The following ACCSL variants were observed in gnomAD, a reference collection of about 807,000 sequenced individuals.
ACCSL encodes 1-aminocyclopropane-1-carboxylate synthase homolog (inactive) like.
A neutral mutation model predicts 61.7 loss-of-function variants in ACCSL; 55 were observed. The observed-to-expected ratio is 0.89, with a 90% confidence interval of 0.72 to 1.12. The LOEUF (loss-of-function observed/expected upper bound fraction) is 1.12, where lower values mean the gene tolerates loss of function less well. Ranked by LOEUF, ACCSL falls within the 50% of genes most tolerant of loss-of-function variation. The probability of loss-of-function intolerance (pLI) is 0.00; values close to 1 mark genes in which losing one functional copy is unlikely to be tolerated. For synonymous variants in ACCSL, 258 were observed against 264.3 expected, an observed-to-expected ratio of 0.98 and a Z score of 0.23; for missense variants, 632 against 698.0, an observed-to-expected ratio of 0.91 and a Z score of 1.07.
At chr11:43,965,375 T>C in the ACCSL span, among the ~76,000 whole-genome samples, 2 of 152,160 alleles carry the variant, frequency 1.3e-5, no homozygotes, top group Non-Finnish European at 2.9e-5. Flanking sequence ...AATAAAATAC[T>C]TTGGAATAAA....
At chr11:43,929,277 T>C in the ACCSL span, among the ~76,000 whole-genome samples, 2 of 152,170 alleles carry the variant, frequency 1.3e-5, no homozygotes, top group Admixed American at 1.3e-4. Flanking sequence ...CTGGAGTCAT[T>C]GGCACAGTCA....
At chr11:44,058,287 T>C in intron 11 of ACCSL, 30 bp from the exon 12 acceptor site, 3 of 1,612,598 alleles carry the variant, frequency 1.9e-6, no homozygotes, top group Non-Finnish European at 2.5e-6. Flanking sequence ...TAGTAATATC[T>C]GTGACAGTGT....
the ACCSL span, among the ~76,000 whole-genome samples, chr11:43,968,200 A>T: frequency 2.6e-5 from 4 of 152,178 alleles, no homozygotes; most frequent in African/African-American, 9.7e-5. Context: ...CCAAATGTCA[A>T]TAGTGCCAAG....
chr11:43,931,342 G>T, the ACCSL span, among the ~76,000 whole-genome samples: 3 of 152,176 alleles, frequency 2.0e-5, no homozygotes, highest in African/African-American at 7.2e-5. Flanking sequence ...AGACTCTACT[G>T]CATCAGTCTA....
the ACCSL span, among the ~76,000 whole-genome samples, chr11:43,945,892 C>T: frequency 2.0e-5 from 3 of 152,138 alleles, no homozygotes; most frequent in African/African-American, 2.4e-5. Context: ...CTCCTGCTGC[C>T]TTCAGCCCCT....
At chr11:44,001,575 C>T in the ACCSL span, among the ~76,000 whole-genome samples, 22 of 151,798 alleles carry the variant, frequency 1.4e-4, no homozygotes, top group African/African-American at 5.1e-4. Flanking sequence ...AGTCTGGCCT[C>T]GGCGTGTCCA....
At chr11:43,964,257 C>A in the ACCSL span, among the ~76,000 whole-genome samples, 1 of 151,874 alleles carries the variant, frequency 6.6e-6, no homozygotes, top group Non-Finnish European at 1.5e-5. Context: ...TCCTGGCTAA[C>A]ACGGTGAAAC....
chr11:44,019,746 G>T, the ACCSL span, among the ~76,000 whole-genome samples: 1 of 152,134 alleles, frequency 6.6e-6, no homozygotes, highest in African/African-American at 2.4e-5. Context: ...GAAGTTTCTA[G>T]TGTTGATGAA....
chr11:44,051,782 G>A (rs1230800063), intron 5 of ACCSL, 63 bp downstream of exon 5: 36 of 1,591,462 alleles, frequency 2.3e-5, no homozygotes, highest in South Asian at 1.3e-4. Flanking sequence ...AGGAACACAC[G>A]GGCACTGGAC....
chr11:43,984,192 TG>T, the ACCSL span, among the ~76,000 whole-genome samples: 1 of 152,132 alleles, frequency 6.6e-6, no homozygotes, highest in East Asian at 1.9e-4. Context: ...GCCTTGTCTC[TG>T]GCATGTGGTA....
chr11:44,003,250 C>T, the ACCSL span, among the ~76,000 whole-genome samples: 1 of 152,198 alleles, frequency 6.6e-6, no homozygotes, highest in Non-Finnish European at 1.5e-5. Flanking sequence ...ATGGTGTTTG[C>T]AGCCACTGCC....
Position 44,048,433 on chromosome 11 carries a change from C to A in ACCSL, c.397C>A (p.Arg133Ser), listed in dbSNP as rs376261378. 1 of 1,614,014 alleles carries A rather than the reference C, an allele frequency of 6.2e-7. No individual in the cohort carries two copies. The highest frequency in any genetic ancestry group is 8.5e-7 in the Non-Finnish European group (1 of 1,180,020). ...LSDCEAAFVN[R>S]DLSIRGIDIS... ...TGATTGTGAAGCTGCCTTTGTCAAC[C>A]GCGACCTATCCATCCGTGGGATTGA... Residue 133 changes from arginine to serine, a missense_variant, in exon 1 of 14, where the codon CGC becomes AGC. Physicochemically the swap from Arg to Ser is moderately radical, Grantham distance 110. Transcript: ENST00000378832.
the ACCSL span, among the ~76,000 whole-genome samples, chr11:44,021,882 C>A: frequency 6.6e-6 from 1 of 152,118 alleles, no homozygotes; most frequent in East Asian, 1.9e-4. Context: ...GGTGTCCCTT[C>A]CTCACCTTAT....
the ACCSL span, among the ~76,000 whole-genome samples, chr11:43,974,679 A>T: frequency 6.6e-6 from 1 of 152,160 alleles, no homozygotes; most frequent in Non-Finnish European, 1.5e-5. Context: ...GCAAGGGTTG[A>T]TATGTGTTAC....
At chr11:44,007,002 G>A in the ACCSL span, among the ~76,000 whole-genome samples, 22 of 152,172 alleles carry the variant, frequency 1.4e-4, no homozygotes, top group East Asian at 1.9e-4. Flanking sequence ...CCTAGCTGAC[G>A]TTTGAGCCAA....
the ACCSL span, among the ~76,000 whole-genome samples, chr11:43,932,532 G>A: frequency 6.6e-6 from 1 of 152,234 alleles, no homozygotes; most frequent in African/African-American, 2.4e-5. Flanking sequence ...GCCTTTCAAA[G>A]TGCTGGGGAT....
the ACCSL span, chr11:43,946,912 T>C: frequency 1.3e-5 from 2 of 152,342 alleles, no homozygotes; most frequent in Non-Finnish European, 2.9e-5. Context: ...GGTTGCTCTC[T>C]GGTTCTGAAC....
the ACCSL span, among the ~76,000 whole-genome samples, chr11:44,020,696 G>C: frequency 6.6e-6 from 1 of 151,868 alleles, no homozygotes; most frequent in Non-Finnish European, 1.5e-5. Context: ...AAGTTCTTTA[G>C]TGGTGATTTC....
At chr11:44,024,441 CTGTGTGTGTG>C in the ACCSL span, among the ~76,000 whole-genome samples, 16,390 of 131,894 alleles carry the variant, frequency 0.12, 1,109 homozygotes, top group East Asian at 0.33. Flanking sequence ...CTCTCTCTCT[CTGTGTGTGTG>C]TGTGTGTGTG....
Sources: allele counts gnomAD v4.1 joint callset (sites outside exome capture counted in the v4.1 genomes callset), GRCh38; gene constraint gnomAD v4.1.1; transcripts MANE v1.5; gene names NCBI Gene and HGNC (gene_info 2026-07-23, HGNC 2026-07-21).